BCL3: variants seen among roughly 807,000 people sequenced by gnomAD.
BCL3 encodes B-cell lymphoma 3 protein.
Under a neutral mutation model 35.7 loss-of-function variants are expected in BCL3, and 15 were observed. The ratio of observed to expected loss-of-function variants is 0.42; its 90% CI spans 0.28 to 0.65. The LOEUF (loss-of-function observed/expected upper bound fraction) is 0.65. Ranked by LOEUF, BCL3 falls within the 30% of genes least tolerant of loss-of-function variation. The pLI is 0.22. For missense variants in BCL3, 565 were observed against 641.7 expected (o/e 0.88, Z 1.29); for synonymous variants, 311 against 284.3 (o/e 1.09, Z -0.95).
At position 44,757,400 on chromosome 19, in the gene BCL3, C is replaced by T; in HGVS notation, c.798C>T (p.Ala266=). ...ETVQLLLERG[A]DIDAVDIKSG... The stretch of plus-strand genomic sequence containing the variant: ...TGCAGCTCTTGCTAGAGCGCGGTGC[C>T]GACATCGACGCAGTGGTGAGCGTGC... Residue 266 remains alanine (A), a synonymous_variant, in exon 5 of 9, where the codon GCC becomes GCT. Coordinates refer to ENST00000164227, the MANE Select transcript of BCL3 (RefSeq NM_005178.5). The surrounding 1 kb of genome is among the most constrained non-coding windows in gnomAD (Gnocchi z 8.4). 6.3e-7 allele frequency: 1 copy of T among 1,599,666 alleles called. No homozygotes were observed. The highest frequency in any genetic ancestry group is 8.5e-7 in the Non-Finnish European group (1 of 1,173,582).
upstream of BCL3, chr19:44,747,840 T>G: frequency 3.5e-6 from 4 of 1,148,034 alleles, no homozygotes; most frequent in Non-Finnish European, 4.3e-6. Flanking sequence ...GCACCTAGGA[T>G]TTTCCGAGCA....
intron 6 of BCL3, among the ~76,000 whole-genome samples, chr19:44,758,015 C>A (rs1967332947): frequency 6.6e-6 from 1 of 152,238 alleles, no homozygotes; most frequent in Non-Finnish European, 1.5e-5. Context: ...CTTCCCCCCT[C>A]CAGCTCCCCC....
At chr19:44,749,495 TG>T (rs1370832999) in intron 1 of BCL3, among the ~76,000 whole-genome samples, 3 of 152,042 alleles carry the variant, frequency 2.0e-5, no homozygotes, top group African/African-American at 7.2e-5. Context: ...TAACAGAGAC[TG>T]GGGTTCTAAG....
chr19:44,756,278 C>G lies in BCL3; in HGVS notation c.457C>G (p.Arg153Gly), dbSNP rs767960519. The G allele has an allele frequency of 6.4e-7, 1 of 1,556,456 alleles. No homozygotes were observed. Among genetic ancestry groups the G allele is most frequent in the Non-Finnish European group, 8.7e-7 (1 of 1,148,176 alleles). Residue 153 changes from arginine (R) to glycine (G), a missense_variant, in exon 3 of 9, where the codon CGG (arginine) becomes GGG (glycine). By Grantham distance (125) the Arg-to-Gly change is moderately radical (BLOSUM62 -2). Around this residue, in one of 5 missense-constraint regions of BCL3, gnomAD observed 267 missense variants for 281.5 expected, o/e 0.95. Coordinates refer to ENST00000164227, the MANE Select transcript of BCL3 (RefSeq NM_005178.5). ...VVQGNLPAVH[R>G]LVNLFQQGGR... The stretch of plus-strand genomic sequence containing the variant: ...GCAGGGTAACCTGCCAGCTGTGCAC[C>G]GGCTGGTCAACCTCTTCCAGCAGGG...
At chr19:44,748,043 G>C (rs532961857), upstream of BCL3, 167 of 1,338,198 alleles carry the variant, frequency 1.2e-4, 1 homozygote, top group East Asian at 5.7e-3. Flanking sequence ...CCGAGTGCCA[G>C]TCCCTGCCCC....
upstream of BCL3, chr19:44,748,001 G>A (rs570854776): frequency 3.5e-5 from 47 of 1,335,040 alleles, no homozygotes; most frequent in South Asian, 4.6e-4. Context: ...AGATGGAAGA[G>A]GGGAGGGAGA....
chr19:44,756,048 G>A (rs1320615810), intron 2 of BCL3, 184 bp from the exon 3 acceptor site: 6 of 406,064 alleles, frequency 1.5e-5, no homozygotes, highest in Non-Finnish European at 2.6e-5. Context: ...AGCCAGTGGT[G>A]GCTAAAGCAG....
chr19:44,755,072 A>G (rs1967255746), intron 2 of BCL3: 1 of 152,554 alleles, frequency 6.6e-6, no homozygotes, highest in Non-Finnish European at 1.5e-5. Flanking sequence ...CCCACTGTGT[A>G]CACGCAGTCC....
At position 44,757,217 on chromosome 19, in the gene BCL3, T is replaced by C. The variant is rs376224051; in HGVS notation, c.720T>C (p.Tyr240=). 1.6e-5 allele frequency: 25 copies of C among 1,552,830 alleles called. No individual in the cohort carries two copies. Among genetic ancestry groups the C allele is most frequent in the African/African-American group, 9.5e-5 (7 of 73,394 alleles). The change falls in exon 4 of 9, where the codon TAT becomes TAC. Residue 240 remains tyrosine, a synonymous_variant. Transcript: ENST00000164227. The surrounding 1 kb of genome is among the most constrained non-coding windows in gnomAD (Gnocchi z 8.4). ...PGTLDLEARN[Y]DGLTALHVAV... ...CGTTGGACCTGGAGGCCCGCAATTATGACGGTAAGCATTTACCGCGGGGCA... is the reference window on the plus strand; with the variant it reads ...CGTTGGACCTGGAGGCCCGCAATTACGACGGTAAGCATTTACCGCGGGGCA...
At position 44,751,469 on chromosome 19, in the gene BCL3, G is replaced by A. The variant is rs1205770877; in HGVS notation, c.410+89G>A. On this transcript the variant is annotated intron_variant, in intron 2 of 8. Transcript: ENST00000164227. ...GCCACTCAGCTCCCAGTGGACCTGA[G>A]TCAGAACTCGGTCTCCACCACAGGC... The A allele has an allele frequency of 5.6e-5, 76 of 1,354,688 alleles. 4 individuals are homozygous for A. In the South Asian group the frequency reaches 1.1e-3, roughly 20 times the overall value. 83.9% of individuals were successfully genotyped at this position (1,354,688 alleles called of 1,614,324 possible).
In BCL3 at chr19:44,758,314, G is replaced by T; in HGVS notation, c.960G>T (p.Gly320=). The T allele has an allele frequency of 6.4e-7, 1 of 1,569,772 alleles. No individual in the cohort carries two copies. Among genetic ancestry groups the T allele is most frequent in the Admixed American group, 1.8e-5 (1 of 54,066 alleles). The change falls in exon 7 of 9, where the codon GGG becomes GGT. Residue 320 remains glycine, a synonymous_variant. Coordinates refer to ENST00000164227, the MANE Select transcript of BCL3 (RefSeq NM_005178.5). Reference sequence around the variant, plus strand: ...CCCTGCACTCAGCGTCCGGCCGCGGGCTCCTCCCGCTGGTGCGCACGCTGG... The same window carrying T: ...CCCTGCACTCAGCGTCCGGCCGCGGTCTCCTCCCGCTGGTGCGCACGCTGG... The part of the protein sequence containing the change: ...SSALHSASGR[G]LLPLVRTLVR...
chr19:44,754,307 G>A (rs1211843420), intron 2 of BCL3, among the ~76,000 whole-genome samples: 1 of 152,170 alleles, frequency 6.6e-6, no homozygotes, highest in East Asian at 1.9e-4. Context: ...GGGTCCCCCA[G>A]GCGGGAGGAC....
chr19:44,749,087 CAG>C, intron 1 of BCL3, 41 bp downstream of exon 1: 1 of 1,144,848 alleles, frequency 8.7e-7, no homozygotes, highest in Non-Finnish European at 1.1e-6. Context: ...GGGATCCACA[CAG>C]AGCATAGGGT....
chr19:44,749,733 G>T (rs746296668), intron 1 of BCL3, among the ~76,000 whole-genome samples: 3 of 152,134 alleles, frequency 2.0e-5, no homozygotes, highest in Admixed American at 6.5e-5. Flanking sequence ...GGGGCCACAA[G>T]TGATCAGGGT....
chr19:44,754,324 T>TTA (rs1967239871), intron 2 of BCL3, among the ~76,000 whole-genome samples: 1 of 152,010 alleles, frequency 6.6e-6, no homozygotes, highest in African/African-American at 2.4e-5. Context: ...GGACTCGGGA[T>TTA]TATGCGCCCC....
At chr19:44,754,331 C>T (rs1000758818) in intron 2 of BCL3, among the ~76,000 whole-genome samples, 6 of 151,940 alleles carry the variant, frequency 3.9e-5, no homozygotes, top group African/African-American at 1.5e-4. Context: ...GGATTATGCG[C>T]CCCCCCTACA....
intron 1 of BCL3, among the ~76,000 whole-genome samples, chr19:44,750,675 T>TG (rs1344857991): frequency 1.3e-5 from 2 of 152,076 alleles, no homozygotes; most frequent in East Asian, 1.9e-4. Context: ...CCCAGCTACC[T>TG]GGGAGGTTGA....
chr19:44,751,776 ATTTTTTGG>A (rs1481965363), intron 2 of BCL3, among the ~76,000 whole-genome samples: 2 of 151,804 alleles, frequency 1.3e-5, no homozygotes, highest in Non-Finnish European at 1.5e-5. Flanking sequence ...TAATTTTTGT[ATTTTTTGG>A]TAGAGACAGG....
In BCL3 at chr19:44,757,651, T is replaced by C; in HGVS notation, c.819T>C (p.Ile273=). The C allele has an allele frequency of 3.7e-6, 6 of 1,613,716 alleles. No homozygotes were observed. The highest frequency in any genetic ancestry group is 4.2e-6 in the Non-Finnish European group (5 of 1,179,854). The change falls in exon 6 of 9, where the codon ATT becomes ATC. Residue 273 remains isoleucine (I), a synonymous_variant. Transcript: ENST00000164227. The surrounding 1 kb of genome is among the most constrained non-coding windows in gnomAD (Gnocchi z 8.4). Reference sequence around the variant, plus strand: ...ACCTTCCCTCCCCGCCGCAGGACATTAAGAGCGGCCGCTCCCCGCTCATCC... The same window carrying C: ...ACCTTCCCTCCCCGCCGCAGGACATCAAGAGCGGCCGCTCCCCGCTCATCC... ...ERGADIDAVD[I]KSGRSPLIHA... is the part of the protein sequence containing the mutation.
Sources: allele counts gnomAD v4.1 joint callset (sites outside exome capture counted in the v4.1 genomes callset), GRCh38; gene constraint gnomAD v4.1.1; regional missense constraint gnomAD v4.1.1; non-coding constraint Gnocchi (gnomAD v3.1); transcripts MANE v1.5; gene names NCBI Gene and HGNC (gene_info 2026-07-23, HGNC 2026-07-21).